IAPP: variants seen among roughly 807,000 people sequenced by gnomAD.
IAPP encodes islet amyloid polypeptide.
A neutral mutation model predicts 2.9 loss-of-function variants in IAPP; 4 were observed. That is an observed-to-expected ratio of 1.39 (90% CI 0.69 to 3.19). IAPP has a LOEUF of 3.19. Ranked by LOEUF, IAPP falls within the 30% of genes most tolerant of loss-of-function variation. The pLI is 0.01. For missense variants in IAPP, 114 were observed against 105.3 expected, an observed-to-expected ratio of 1.08 and a Z score of -0.36; for synonymous variants, 40 against 42.1, an observed-to-expected ratio of 0.95 and a Z score of 0.19.
chr12:21,355,341 G>A (rs1272058651), intron 1 of IAPP, among the ~76,000 whole-genome samples: 2 of 152,100 alleles, frequency 1.3e-5, no homozygotes, highest in Non-Finnish European at 2.9e-5. Flanking sequence ...CTAGAACTTA[G>A]ATAAGTTAAG....
chr12:21,371,207 G>A (rs73080816), upstream of IAPP, among the ~76,000 whole-genome samples: 4,882 of 152,222 alleles, frequency 0.032, 108 homozygotes, highest in Middle Eastern at 0.054. Flanking sequence ...TTATAGCAAT[G>A]GTAAACTGAC....
chr12:21,364,565 AAG>A (rs1939214223), intron 1 of IAPP, among the ~76,000 whole-genome samples: 1 of 152,218 alleles, frequency 6.6e-6, no homozygotes, highest in Non-Finnish European at 1.5e-5. Context: ...AGGGAAGAGA[AAG>A]AAATAAAGGG....
At chr12:21,375,769 T>A (rs2137103519) in intron 2 of IAPP, among the ~76,000 whole-genome samples, 1 of 152,246 alleles carries the variant, frequency 6.6e-6, no homozygotes. Flanking sequence ...AATTTAAGAG[T>A]TATACTTTGG....
intron 2 of IAPP, chr12:21,374,351 T>C (rs1472133820): frequency 6.6e-6 from 1 of 152,284 alleles, no homozygotes; most frequent in Non-Finnish European, 1.5e-5. Context: ...TATAGTCTTA[T>C]GGGACTGAAC....
At position 21,363,051 on chromosome 12, in the gene IAPP, G is replaced by A. The variant is rs546427114; in HGVS notation, c.-16+8038G>A. Among the ~76,000 whole-genome samples the A allele has an allele frequency of 2.0e-5, 3 of 152,288 alleles. No homozygotes were observed. The South Asian group carries it at 6.2e-4, about 32-fold the overall frequency. On this transcript the variant is annotated intron_variant, in intron 1 of 2. Transcript: ENST00000539393. ...AGCTCTGCACCAAGCGGACCTAATA[G>A]ACATCTACAGAACTCTCCACCCCAA...
At chr12:21,357,073 A>G (rs1275153593) in intron 1 of IAPP, among the ~76,000 whole-genome samples, 7 of 152,208 alleles carry the variant, frequency 4.6e-5, no homozygotes, top group Admixed American at 6.5e-5. Context: ...AAAGGATAAA[A>G]ACAAACAAAC....
At chr12:21,364,608 G>T (rs542054513) in intron 1 of IAPP, among the ~76,000 whole-genome samples, 80 of 152,246 alleles carry the variant, frequency 5.3e-4, no homozygotes, top group African/African-American at 1.9e-3. Context: ...AAGTCAAATT[G>T]TCCCTGTTGC....
chr12:21,357,591 T>A (rs190677875), intron 1 of IAPP, among the ~76,000 whole-genome samples: 31 of 152,358 alleles, frequency 2.0e-4, no homozygotes, highest in Non-Finnish European at 3.4e-4. Context: ...GGACTATATG[T>A]AAGGATTTAG....
At chr12:21,357,139 T>G (rs1938431590) in intron 1 of IAPP, among the ~76,000 whole-genome samples, 1 of 152,134 alleles carries the variant, frequency 6.6e-6, no homozygotes, top group Non-Finnish European at 1.5e-5. Flanking sequence ...GCAAAATGCA[T>G]CTGTTGAAGT....
intron 1 of IAPP, among the ~76,000 whole-genome samples, chr12:21,358,419 C>T (rs1204458822): frequency 1.3e-5 from 2 of 152,146 alleles, no homozygotes; most frequent in Admixed American, 1.3e-4. Context: ...TACTTTTAAA[C>T]TATGTGGCAA....
At chr12:21,363,517 C>G (rs1939107268) in intron 1 of IAPP, among the ~76,000 whole-genome samples, 3 of 152,206 alleles carry the variant, frequency 2.0e-5, no homozygotes, top group South Asian at 4.1e-4. Context: ...CATTCAAAAG[C>G]TAGCAGAAGG....
intron 1 of IAPP, among the ~76,000 whole-genome samples, chr12:21,361,259 T>C (rs1196723351): frequency 2.0e-5 from 3 of 152,190 alleles, no homozygotes; most frequent in Admixed American, 1.3e-4. Context: ...CCGCTGGTGA[T>C]ACCCAGGCAA....
At chr12:21,363,110 T>C (rs990555757) in intron 1 of IAPP, among the ~76,000 whole-genome samples, 31 of 152,262 alleles carry the variant, frequency 2.0e-4, no homozygotes, top group African/African-American at 7.5e-4. Flanking sequence ...CAGCAACACA[T>C]CACACTTATT....
chr12:21,357,719 T>C (rs1938482567), intron 1 of IAPP, among the ~76,000 whole-genome samples: 1 of 151,354 alleles, frequency 6.6e-6, no homozygotes. Flanking sequence ...TCTGTGTTTA[T>C]TTTTTTTGTT....
At chr12:21,358,546 G>T (rs1021651870) in intron 1 of IAPP, among the ~76,000 whole-genome samples, 1 of 151,912 alleles carries the variant, frequency 6.6e-6, no homozygotes, top group Admixed American at 6.6e-5. Context: ...TTATTTTATT[G>T]TATGCAAATA....
At chr12:21,356,339 G>A (rs535816377) in intron 1 of IAPP, among the ~76,000 whole-genome samples, 12 of 151,996 alleles carry the variant, frequency 7.9e-5, no homozygotes, top group South Asian at 6.2e-4. Context: ...AAATATGCAG[G>A]CTTAATTTAC....
rs539618595 is a variant in IAPP, at chr12:21,379,398, C to A, written c.*972C>A. On this transcript the variant is annotated 3_prime_UTR_variant, in exon 3 of 3. Transcript: ENST00000240652. ...TTTGTTTAAGTGGCTTTCAGCAAAC[C>A]TCAGTCATATTCTTATGCAGGGTAT... The A allele has an allele frequency of 6.6e-6, 1 of 152,310 alleles. No individual in the cohort carries two copies. Among genetic ancestry groups the A allele is most frequent in the South Asian group, 2.1e-4 (1 of 4,830 alleles). The allele number at this position is 152,310 out of a possible 1,614,324, so 9.4% of individuals were successfully genotyped here. A position where few individuals can be genotyped will look rare whatever the true frequency, so the allele number is the denominator to read the frequency against.
At chr12:21,356,073 T>C (rs983431177) in intron 1 of IAPP, among the ~76,000 whole-genome samples, 5 of 152,120 alleles carry the variant, frequency 3.3e-5, no homozygotes, top group South Asian at 2.1e-4. Flanking sequence ...AATGTAGTGA[T>C]AGAGAAAAAA....
At chr12:21,359,865 G>T (rs1938686209) in intron 1 of IAPP, among the ~76,000 whole-genome samples, 1 of 152,102 alleles carries the variant, frequency 6.6e-6, no homozygotes, top group Non-Finnish European at 1.5e-5. Context: ...AGCTTTATTT[G>T]TAATAGCCTC....
Sources: allele counts gnomAD v4.1 joint callset (sites outside exome capture counted in the v4.1 genomes callset), GRCh38; gene constraint gnomAD v4.1.1; transcripts MANE v1.5; gene names NCBI Gene and HGNC (gene_info 2026-07-23, HGNC 2026-07-21).